The following SLC5A6 variants were observed in gnomAD, a reference collection of about 807,000 sequenced individuals.
SLC5A6 encodes the protein solute carrier family 5 member 6.
In SLC5A6, 31 loss-of-function variants were observed where a neutral mutation model predicts 67.9. The observed-to-expected ratio is 0.46, with a 90% CI of 0.34 to 0.62. The LOEUF (loss-of-function observed/expected upper bound fraction) is 0.62, where lower values mean the gene tolerates loss of function less well. Among genes scored for constraint, SLC5A6 ranks in the 20% least tolerant of loss-of-function variants. The pLI is 0.01. For missense variants in SLC5A6, 673 were observed against 812.8 expected (o/e 0.83, Z 2.09); for synonymous variants, 343 against 331.0 (o/e 1.04, Z -0.39).
upstream of SLC5A6, chr2:27,212,608 G>C: frequency 7.0e-7 from 1 of 1,433,240 alleles, no homozygotes; most frequent in South Asian, 1.5e-5. Context: ...GCCCAGCCAG[G>C]TCCTGTTCCC....
At chr2:27,212,405 G>A (rs1172545392), upstream of SLC5A6, 1 of 1,552,168 alleles carries the variant, frequency 6.4e-7, no homozygotes, top group South Asian at 1.2e-5. Flanking sequence ...TACGACCCTG[G>A]TGCCCTGGGC....
chr2:27,203,393 GC>G (rs1558505902), intron 10 of SLC5A6, 48 bp from the exon 11 acceptor site: 1 of 1,521,956 alleles, frequency 6.6e-7, no homozygotes. Flanking sequence ...AAAATTGTCA[GC>G]TCTATGGGAC....
In SLC5A6 at chr2:27,212,004, G is replaced by C; in HGVS notation, c.-208+16C>G. On this transcript the variant is annotated intron_variant, in intron 1 of 16. Transcript: ENST00000310574. ...CCGCCCCCTGCCCGCCCCGCTCGCC[G>C]TGCCGCCATGTTTACTGAGGGCGGA... is the stretch of plus-strand genomic sequence containing the variant. 1 of 516,632 alleles carries C rather than the reference G, an allele frequency of 1.9e-6. No homozygotes were observed. Among genetic ancestry groups the C allele is most frequent in the Non-Finnish European group, 3.1e-6 (1 of 321,112 alleles). 32.0% of individuals were successfully genotyped at this position (516,632 alleles called of 1,614,324 possible). A position where few individuals can be genotyped will look rare whatever the true frequency, so the allele number is the denominator to read the frequency against.
At chr2:27,202,434 G>A (rs1369314520) in intron 12 of SLC5A6, among the ~76,000 whole-genome samples, 3 of 150,578 alleles carry the variant, frequency 2.0e-5, no homozygotes, top group African/African-American at 7.3e-5. Flanking sequence ...AATGTGGGAG[G>A]TGGAGGTTGC....
At chr2:27,202,773 C>T (rs1405742390) in intron 12 of SLC5A6, 40 bp downstream of exon 12, 1 of 1,552,846 alleles carries the variant, frequency 6.4e-7, no homozygotes, top group African/African-American at 1.4e-5. Flanking sequence ...TCAATTCCTT[C>T]TCTCCCTTAA....
intron 2 of SLC5A6, among the ~76,000 whole-genome samples, chr2:27,210,044 C>T (rs952361775): frequency 1.3e-5 from 2 of 152,102 alleles, no homozygotes; most frequent in Non-Finnish European, 2.9e-5. Context: ...CTCCTGTGTG[C>T]AAAGAACACA....
At position 27,199,657 on chromosome 2, in the gene SLC5A6, C is replaced by G. The variant is rs1673472225; in HGVS notation, c.*779G>C. 1 of 152,400 alleles carries G rather than the reference C, an allele frequency of 6.6e-6. No individual in the cohort carries two copies. The highest frequency in any genetic ancestry group is 6.5e-5 in the Admixed American group (1 of 15,288). The allele number at this position is 152,400 out of a possible 1,614,324, so 9.4% of individuals were successfully genotyped here. A position where few individuals can be genotyped will look rare whatever the true frequency, so the allele number is the denominator to read the frequency against. On this transcript the variant is annotated 3_prime_UTR_variant, in exon 17 of 17. Transcript: ENST00000310574. ...GTGGAGAAGAAACTCCAAAAGGAAA[C>G]AGAGCACGGATGACAGAAATGACAC...
At position 27,200,566 on chromosome 2, in the gene SLC5A6, G is replaced by A. The variant is rs1271764879; in HGVS notation, c.1778C>T (p.Thr593Ile). The A allele has an allele frequency of 6.2e-7, 1 of 1,612,750 alleles. No homozygotes were observed. Among genetic ancestry groups the A allele is most frequent in the Non-Finnish European group, 8.5e-7 (1 of 1,179,230 alleles). Reference protein sequence around the residue: ...CRSYGQDHLDTGLFPEKPRNG... With the variant: ...CRSYGQDHLDIGLFPEKPRNG... Reference sequence around the variant, plus strand: ...CCTCGGCTTCTCAGGAAACAGGCCAGTGTCGAGGTGGTCCTGCAAACACAG... The same window carrying A: ...CCTCGGCTTCTCAGGAAACAGGCCAATGTCGAGGTGGTCCTGCAAACACAG... Residue 593 changes from threonine (T) to isoleucine (I), a missense_variant, in exon 17 of 17, where the codon ACT becomes ATT. Transcript: ENST00000310574.
chr2:27,204,019 C>T lies in SLC5A6; in HGVS notation c.1006-152G>A, dbSNP rs1042397153. On this transcript the variant is annotated intron_variant, in intron 9 of 16. Transcript: ENST00000310574. Reference sequence around the variant, plus strand: ...CCAGGGCCTGGGGCACCTCTGCTGACCCAAGTGTCTACACATTAAGTGGAG... The same window carrying T: ...CCAGGGCCTGGGGCACCTCTGCTGATCCAAGTGTCTACACATTAAGTGGAG... 1.4e-5 allele frequency: 9 copies of T among 622,412 alleles called. No homozygotes were observed. In the East Asian group the frequency reaches 2.2e-4, roughly 15 times the overall value. 38.6% of individuals were successfully genotyped at this position (622,412 alleles called of 1,614,324 possible).
upstream of SLC5A6, chr2:27,212,355 C>G (rs376559066): frequency 4.5e-6 from 7 of 1,550,248 alleles, no homozygotes; most frequent in Non-Finnish European, 5.2e-6. Context: ...AGCGGAGCAC[C>G]AAGGGAACGG....
upstream of SLC5A6, chr2:27,212,543 C>G (rs1288240372): frequency 1.3e-6 from 2 of 1,500,224 alleles, no homozygotes; most frequent in African/African-American, 1.4e-5. Context: ...AGCGGCTCCC[C>G]CTTCTCCTCG....
Position 27,207,181 on chromosome 2 carries a change from G to A in SLC5A6, c.393+77C>T. The A allele has an allele frequency of 6.7e-7, 1 of 1,500,014 alleles. No homozygotes were observed. Among genetic ancestry groups the A allele is most frequent in the South Asian group, 1.2e-5 (1 of 81,420 alleles). 92.9% of individuals were successfully genotyped at this position (1,500,014 alleles called of 1,614,324 possible). On this transcript the variant is annotated intron_variant, in intron 3 of 16. Transcript: ENST00000310574. The surrounding 1 kb of genome is among the most constrained non-coding windows in gnomAD (Gnocchi z 5.5). ...TAGGTGGAGGAGGTCTAGGGTCCCA[G>A]GTCCTTCCTATGTGCCTGTCCCTCC...
chr2:27,202,155 G>A, intron 12 of SLC5A6, 81 bp from the exon 13 acceptor site: 1 of 983,048 alleles, frequency 1.0e-6, no homozygotes. Context: ...ATAGCCACCA[G>A]CCATGACCTT....
chr2:27,203,331 G>A lies in SLC5A6; in HGVS notation c.1109C>T (p.Ala370Val). 1.2e-6 allele frequency: 2 copies of A among 1,614,158 alleles called. No individual in the cohort carries two copies. Among genetic ancestry groups the A allele is most frequent in the South Asian group, 1.1e-5 (1 of 91,076 alleles). ...FSGSLSTISS[A>V]FNSLATVTME... ...CGTAACAGTTGCCAATGAATTAAAA[G>A]CAGAGGATATAGTGCTGAAAAAGAG... is the stretch of plus-strand genomic sequence containing the variant. The change falls in exon 11 of 17, where the codon GCT (alanine) becomes GTT (valine). Residue 370 changes from alanine to valine, a missense_variant. Physicochemically the swap from Ala to Val is moderately conservative, Grantham distance 64. Transcript: ENST00000310574.
chr2:27,206,786 G>T, intron 4 of SLC5A6, 91 bp downstream of exon 4: 3 of 1,069,584 alleles, frequency 2.8e-6, no homozygotes, highest in Non-Finnish European at 4.4e-6. Flanking sequence ...CTGCCAATCT[G>T]AGAGCAGGGG....
In SLC5A6 at chr2:27,200,440, A is replaced by T. The variant is rs763089064; in HGVS notation, c.1904T>A (p.Leu635Gln). The change falls in exon 17 of 17, where the codon CTG becomes CAG. Residue 635 changes from leucine to glutamine, a missense_variant. By Grantham distance (113) the Leu-to-Gln change is moderately radical. Coordinates refer to ENST00000310574, the MANE Select transcript of SLC5A6 (RefSeq NM_021095.4). Reference sequence around the variant, plus strand: ...AGGCGGGGTCCTGAGTCAACATCACAGGGAGGTCTCCTGGAGGATGCAGGT... The same window carrying T: ...AGGCGGGGTCCTGAGTCAACATCACTGGGAGGTCTCCTGGAGGATGCAGGT... ...SSTCILQETS[L>Q] 6.2e-7 allele frequency: 1 copy of T among 1,610,092 alleles called. No individual in the cohort carries two copies. The highest frequency in any genetic ancestry group is 1.7e-5 in the Admixed American group (1 of 59,656).
rs200000452 is a variant in SLC5A6 at position 27,203,388 on chromosome 2, T to G, written c.1095-43A>C. ...GATGAGGAGTTGAGCGAGGCAAAAT[T>G]GTCAGCTCTATGGGACTCTATGGAG... On this transcript the variant is annotated intron_variant, in intron 10 of 16. Transcript: ENST00000310574. 6,095 of 1,570,402 alleles carry G rather than the reference T, an allele frequency of 3.9e-3. 13 individuals carry two copies. Among genetic ancestry groups the G allele is most frequent in the Non-Finnish European group, 4.9e-3 (5,566 of 1,141,740 alleles).
Position 27,207,441 on chromosome 2 carries a change from CG to C in SLC5A6, c.209del (p.Pro70ArgfsTer42). 6.2e-7 allele frequency: 1 copy of C among 1,614,174 alleles called. No individual in the cohort carries two copies. The highest frequency in any genetic ancestry group is 8.5e-7 in the Non-Finnish European group (1 of 1,180,028). On this transcript the variant is annotated frameshift_variant, in exon 3 of 17. Coordinates refer to ENST00000310574, the MANE Select transcript of SLC5A6 (RefSeq NM_021095.4). LOFTEE classifies it high-confidence loss of function. The surrounding 1 kb of genome is among the most constrained non-coding windows in gnomAD (Gnocchi z 5.5). The part of the protein sequence containing the change: ...LMADRKMGCL[P>X]VALSLLATFQ... Reference sequence around the variant, plus strand: ...AGGTGGCCAGCAGGGACAGTGCCACCGGAAGGCAGCCCATTTTGCGGTCCGC... The same window carrying C: ...AGGTGGCCAGCAGGGACAGTGCCACCGAAGGCAGCCCATTTTGCGGTCCGC...
At position 27,212,130 on chromosome 2, in the gene SLC5A6, G is replaced by A. The variant is rs1472722124; in HGVS notation, c.-318C>T. 7 of 1,505,702 alleles carry A rather than the reference G, an allele frequency of 4.6e-6. No individual in the cohort carries two copies. Among genetic ancestry groups the A allele is most frequent in the East Asian group, 2.6e-5 (1 of 38,224 alleles). The allele number at this position is 1,505,702 out of a possible 1,614,324, so 93.3% of individuals were successfully genotyped here. A position where few individuals can be genotyped will look rare whatever the true frequency, so the allele number is the denominator to read the frequency against. On this transcript the variant is annotated 5_prime_UTR_variant, in exon 1 of 17. Transcript: ENST00000310574. ...AGTCGGCTCCGGGAAGCCGCGCGGC[G>A]ACGGGGGAGGCCTTCACTAAAGGGG...
Sources: gnomAD v4.1 joint callset for allele counts (sites outside exome capture counted in the v4.1 genomes callset) on GRCh38, gnomAD v4.1.1 for gene constraint, Gnocchi (gnomAD v3.1) non-coding constraint, MANE v1.5 for transcripts, NCBI Gene and HGNC (gene_info 2026-07-23, HGNC 2026-07-21) for gene names.